The following JAKMIP1 variants were observed in gnomAD, a reference collection of about 807,000 sequenced individuals.
JAKMIP1 encodes the protein janus kinase and microtubule-interacting protein 1.
In JAKMIP1, 33 loss-of-function variants were observed where a neutral mutation model predicts 113.0. The observed-to-expected ratio is 0.29, with a 90% CI of 0.22 to 0.39. The LOEUF (loss-of-function observed/expected upper bound fraction) is 0.39. Among genes scored for constraint, JAKMIP1 ranks in the 10% least tolerant of loss-of-function variants. JAKMIP1 has a pLI of 1.00. For synonymous variants in JAKMIP1, 480 were observed against 459.9 expected (o/e 1.04, Z -0.56); for missense variants, 813 against 1,080.5 (o/e 0.75, Z 3.47).
In JAKMIP1 at chr4:6,064,764, T is replaced by C; in HGVS notation, c.1431+116A>G. ...TTGATAATGCACTGGTAGGAACTGG[T>C]CATCTGGGGTTCAGAACTATAGGCA... On this transcript the variant is annotated intron_variant, in intron 9 of 20. Transcript: ENST00000409021. This position sits in a 1 kb window ranked among gnomAD's most constrained non-coding sequence, Gnocchi z 4.3. 3 of 1,334,912 alleles carry C rather than the reference T, an allele frequency of 2.2e-6. No homozygotes were observed. The highest frequency in any genetic ancestry group is 1.3e-5 in the South Asian group (1 of 76,372). 82.7% of individuals were successfully genotyped at this position (1,334,912 alleles called of 1,614,324 possible). A position where few individuals can be genotyped will look rare whatever the true frequency, so the allele number is the denominator to read the frequency against.
rs763287489 is a variant in JAKMIP1 at position 6,105,881 on chromosome 4, G to C, written c.216C>G (p.Leu72=). The C allele has an allele frequency of 2.5e-6, 4 of 1,612,062 alleles. No individual in the cohort carries two copies. In the African/African-American group the frequency reaches 4.0e-5, roughly 16 times the overall value. The change falls in exon 3 of 21, where the codon CTC becomes CTG. Residue 72 remains leucine, a synonymous_variant. Transcript: ENST00000409021. ...TCTTCTCCTCATGCAGCTTGGCCTT[G>C]AGCTCCGAAATGTAGGCCGTGTGCC... is the stretch of plus-strand genomic sequence containing the variant. The part of the protein sequence containing the change: ...QRRHTAYISE[L]KAKLHEEKTK...
intron 2 of JAKMIP1, among the ~76,000 whole-genome samples, chr4:6,111,342 C>G (rs1714905321): frequency 1.3e-5 from 2 of 152,198 alleles, no homozygotes; most frequent in East Asian, 3.9e-4. Context: ...AGGAGCAAGC[C>G]TGCATCTCCA....
intron 19 of JAKMIP1, among the ~76,000 whole-genome samples, chr4:6,032,850 G>T (rs1217528327): frequency 6.6e-6 from 1 of 152,192 alleles, no homozygotes; most frequent in Non-Finnish European, 1.5e-5. Flanking sequence ...GCCAGTGAGG[G>T]TCTCAGCGGG....
intron 8 of JAKMIP1, among the ~76,000 whole-genome samples, chr4:6,066,412 C>A (rs992532611): frequency 1.3e-5 from 2 of 152,180 alleles, no homozygotes; most frequent in Non-Finnish European, 2.9e-5. Flanking sequence ...TGGCACCTGT[C>A]TTTCTGCTCA....
Position 6,051,223 on chromosome 4 carries a change from CTTTT to C in JAKMIP1, c.1807-548_1807-545del, listed in dbSNP as rs58425504. Among the ~76,000 whole-genome samples, 4 of 139,036 alleles carry C rather than the reference CTTTT, an allele frequency of 2.9e-5. No homozygotes were observed. Among genetic ancestry groups the C allele is most frequent in the African/African-American group, 5.4e-5 (2 of 37,200 alleles). 91.2% of individuals were successfully genotyped at this position (139,036 alleles called of 152,430 possible). ...GGCTGACTTTCTTTCTTTTTCTTTC[CTTTT>C]TTTTTTTTTTTTGAGAGGGTGTTCT... On this transcript the variant is annotated intron_variant, in intron 13 of 20. Coordinates refer to ENST00000409021, the MANE Select transcript of JAKMIP1 (RefSeq NM_001099433.2). This position sits in a 1 kb window ranked among gnomAD's most constrained non-coding sequence, Gnocchi z 5.0.
chr4:6,149,321 T>C (rs974299251), intron 1 of JAKMIP1, among the ~76,000 whole-genome samples: 1 of 152,086 alleles, frequency 6.6e-6, no homozygotes, highest in Non-Finnish European at 1.5e-5. Context: ...AGGCCAACAC[T>C]AAGGGCTTTC....
chr4:6,157,507 A>T lies in JAKMIP1; in HGVS notation c.-148+42746T>A, dbSNP rs933031749. 2.0e-5 allele frequency among the ~76,000 whole-genome samples: 3 copies of T among 152,204 alleles called. No individual in the cohort carries two copies. The highest frequency in any genetic ancestry group is 7.2e-5 in the African/African-American group (3 of 41,440). On this transcript the variant is annotated intron_variant, in intron 1 of 20. Coordinates refer to ENST00000409021, the MANE Select transcript of JAKMIP1 (RefSeq NM_001099433.2). The surrounding 1 kb of genome is among the most constrained non-coding windows in gnomAD (Gnocchi z 4.7). ...ATTTTCAAATCAAACTTCAGCGTACACTTTCCGTAACACCTTTTTTGACTA... is the reference window on the plus strand; with the variant it reads ...ATTTTCAAATCAAACTTCAGCGTACTCTTTCCGTAACACCTTTTTTGACTA...
Position 6,108,865 on chromosome 4 carries a change from G to C in JAKMIP1, c.130-2898C>G, listed in dbSNP as rs1307212956. 6.6e-6 allele frequency among the ~76,000 whole-genome samples: 1 copy of C among 152,248 alleles called. No individual in the cohort carries two copies. The highest frequency in any genetic ancestry group is 1.5e-5 in the Non-Finnish European group (1 of 68,050). On this transcript the variant is annotated intron_variant, in intron 2 of 20. Transcript: ENST00000409021. This position sits in a 1 kb window ranked among gnomAD's most constrained non-coding sequence, Gnocchi z 5.6. ...GGGACATCTGTAAGAACTCATGTTT[G>C]ACTTTGTATGGATATAGATGTCATA...
At position 6,056,681 on chromosome 4, in the gene JAKMIP1, A is replaced by G. The variant is rs368032943; in HGVS notation, c.1707+16T>C. ...TGCCCTGCGGCTGTGTGCTTCCCTG[A>G]GGTGGGGTCACGCACCTTTTCCAGC... is the stretch of plus-strand genomic sequence containing the variant. On this transcript the variant is annotated intron_variant, in intron 12 of 20. Coordinates refer to ENST00000409021, the MANE Select transcript of JAKMIP1 (RefSeq NM_001099433.2). The G allele has an allele frequency of 1.1e-4, 179 of 1,607,406 alleles. No homozygotes were observed. The highest frequency in any genetic ancestry group is 1.4e-4 in the Non-Finnish European group (160 of 1,174,402).
intron 1 of JAKMIP1, among the ~76,000 whole-genome samples, chr4:6,128,223 C>A (rs1578321835): frequency 6.6e-6 from 1 of 152,328 alleles, no homozygotes; most frequent in South Asian, 2.1e-4. Flanking sequence ...AGGGTCAGTT[C>A]TCTGAGTTGT....
Position 6,050,003 on chromosome 4 carries a change from C to T in JAKMIP1, c.1909-131G>A, listed in dbSNP as rs572586518. ...TTTCTTTTCTGGCCAAGTTTTGCGC[C>T]CAGCCGTTCCTCTGGGGAGTGAGGG... On this transcript the variant is annotated intron_variant, in intron 14 of 20. Transcript: ENST00000409021. This position sits in a 1 kb window ranked among gnomAD's most constrained non-coding sequence, Gnocchi z 7.4. 5.9e-4 allele frequency: 387 copies of T among 659,204 alleles called. 1 individual carries two copies. Among genetic ancestry groups the T allele is most frequent in the Non-Finnish European group, 9.7e-4 (359 of 371,606 alleles). 40.8% of individuals were successfully genotyped at this position (659,204 alleles called of 1,614,324 possible). A position where few individuals can be genotyped will look rare whatever the true frequency, so the allele number is the denominator to read the frequency against.
In JAKMIP1 at chr4:6,193,900, G is replaced by GTCCA. The variant is rs1199982637; in HGVS notation, c.-148+6349_-148+6352dup. Among the ~76,000 whole-genome samples, 1 of 152,144 alleles carries GTCCA rather than the reference G, an allele frequency of 6.6e-6. No homozygotes were observed. The highest frequency in any genetic ancestry group is 1.5e-5 in the Non-Finnish European group (1 of 68,036). On this transcript the variant is annotated intron_variant, in intron 1 of 20. Transcript: ENST00000409021. This position sits in a 1 kb window ranked among gnomAD's most constrained non-coding sequence, Gnocchi z 6.4. ...CCGCAAAGGTGAGAACGACCCCAATGTCCATCCACAGATGAATAGACCATT... is the reference window on the plus strand; with the variant it reads ...CCGCAAAGGTGAGAACGACCCCAATGTCCATCCATCCACAGATGAATAGACCATT...
At position 6,183,506 on chromosome 4, in the gene JAKMIP1, A is replaced by AAATAAATAAATAAATT. The variant is rs1239214147; in HGVS notation, c.-148+16746_-148+16747insAATTTATTTATTTATT. Among the ~76,000 whole-genome samples, 431 of 151,242 alleles carry AAATAAATAAATAAATT rather than the reference A, an allele frequency of 2.8e-3. No individual in the cohort carries two copies. Among genetic ancestry groups the AAATAAATAAATAAATT allele is most frequent in the African/African-American group, 8.0e-3 (330 of 41,200 alleles). ...TAAATAAATAAATAAATAAATAAAT[A>AAATAAATAAATAAATT]AATTTAAAAAAGAAAGTAAAATGGA... On this transcript the variant is annotated intron_variant, in intron 1 of 20. Coordinates refer to ENST00000409021, the MANE Select transcript of JAKMIP1 (RefSeq NM_001099433.2). The surrounding 1 kb of genome is among the most constrained non-coding windows in gnomAD (Gnocchi z 5.3).
chr4:6,118,845 AACCTGCAGATGT>A (rs1716254262), intron 1 of JAKMIP1, among the ~76,000 whole-genome samples: 1 of 152,236 alleles, frequency 6.6e-6, no homozygotes, highest in South Asian at 2.1e-4. Flanking sequence ...TGCTCCCCAG[AACCTGCAGATGT>A]ACCCTTATTA....
rs1186656206 is a variant in JAKMIP1 at position 6,140,717 on chromosome 4, A to G, written c.-147-27720T>C. Among the ~76,000 whole-genome samples the G allele has an allele frequency of 6.6e-6, 1 of 152,200 alleles. No homozygotes were observed. The highest frequency in any genetic ancestry group is 2.4e-5 in the African/African-American group (1 of 41,406). On this transcript the variant is annotated intron_variant, in intron 1 of 20. Coordinates refer to ENST00000409021, the MANE Select transcript of JAKMIP1 (RefSeq NM_001099433.2). The surrounding 1 kb of genome is among the most constrained non-coding windows in gnomAD (Gnocchi z 9.4). ...TGCTTTTACCTGGAAAAGGGATGAC[A>G]AAGTATCCCAGATAACTTGGTAGAA...
chr4:6,159,299 A>AG (rs200975396), intron 1 of JAKMIP1, among the ~76,000 whole-genome samples: 4 of 151,762 alleles, frequency 2.6e-5, no homozygotes, highest in African/African-American at 9.7e-5. Flanking sequence ...TAAAAAAAAA[A>AG]TACTTAAAGA....
rs377424976 is a variant in JAKMIP1 at position 6,162,699 on chromosome 4, C to T, written c.-148+37554G>A. Among the ~76,000 whole-genome samples the T allele has an allele frequency of 7.9e-5, 12 of 152,300 alleles. No individual in the cohort carries two copies. In the South Asian group the frequency reaches 2.5e-3, roughly 32 times the overall value. ...AAGGGCACAGCATTACCATCATTAT[C>T]ATCGTTCCCACTTTACAGGTAATAA... On this transcript the variant is annotated intron_variant, in intron 1 of 20. Coordinates refer to ENST00000409021, the MANE Select transcript of JAKMIP1 (RefSeq NM_001099433.2). This position sits in a 1 kb window ranked among gnomAD's most constrained non-coding sequence, Gnocchi z 5.6.
At position 6,186,045 on chromosome 4, in the gene JAKMIP1, G is replaced by T. The variant is rs1578502433; in HGVS notation, c.-148+14208C>A. 6.6e-6 allele frequency among the ~76,000 whole-genome samples: 1 copy of T among 152,210 alleles called. No homozygotes were observed. Among genetic ancestry groups the T allele is most frequent in the African/African-American group, 2.4e-5 (1 of 41,530 alleles). ...CCATTCAGTAATGGAGATGAAAGTG[G>T]ACACAGCCAGCCACTCAACACAGTG... On this transcript the variant is annotated intron_variant, in intron 1 of 20. Transcript: ENST00000409021. The surrounding 1 kb of genome is among the most constrained non-coding windows in gnomAD (Gnocchi z 5.5).
At chr4:6,109,569 T>C (rs2108883832) in intron 2 of JAKMIP1, among the ~76,000 whole-genome samples, 1 of 152,032 alleles carries the variant, frequency 6.6e-6, no homozygotes, top group East Asian at 2.0e-4. Context: ...GGCTGCTGTA[T>C]TGCTGGTTTC....
Sources: gnomAD v4.1 joint callset for allele counts (sites outside exome capture counted in the v4.1 genomes callset) on GRCh38, gnomAD v4.1.1 for gene constraint, Gnocchi (gnomAD v3.1) non-coding constraint, MANE v1.5 for transcripts, NCBI Gene and HGNC (gene_info 2026-07-23, HGNC 2026-07-21) for gene names.